The following RBFOX1 variants were observed in gnomAD, a reference collection of about 807,000 sequenced individuals.
The protein encoded by RBFOX1 is RNA binding protein fox-1 homolog 1.
Under a neutral mutation model 57.7 loss-of-function variants are expected in RBFOX1, and 8 were observed. The ratio of observed to expected loss-of-function variants is 0.14; its 90% confidence interval spans 0.08 to 0.25. The LOEUF (loss-of-function observed/expected upper bound fraction) is 0.25, where lower values mean the gene tolerates loss of function less well. RBFOX1 is among the 10% of genes least tolerant of loss of function. RBFOX1 has a pLI of 1.00. For missense variants in RBFOX1, 611 were observed against 548.5 expected (o/e 1.11, Z -1.14); for synonymous variants, 326 against 222.4 (o/e 1.47, Z -4.15).
intron 4 of RBFOX1, among the ~76,000 whole-genome samples, chr16:7,287,185 A>C (rs1365608383): frequency 6.6e-6 from 1 of 152,186 alleles, no homozygotes; most frequent in Non-Finnish European, 1.5e-5. Flanking sequence ...TTGCCTGAGG[A>C]AAGTGCAGGT....
At chr16:7,486,013 C>T (rs1245009102) in intron 4 of RBFOX1, among the ~76,000 whole-genome samples, 1 of 151,922 alleles carries the variant, frequency 6.6e-6, no homozygotes, top group Non-Finnish European at 1.5e-5. Context: ...TGTTTCCTGT[C>T]TGGCTCTTTA....
chr16:7,478,036 A>C (rs1365018760), intron 4 of RBFOX1, among the ~76,000 whole-genome samples: 2 of 152,230 alleles, frequency 1.3e-5, no homozygotes. Flanking sequence ...CCATGGAGAA[A>C]ATTAACTCCA....
At chr16:5,747,637 T>C (rs1217858220) in intron 3 of RBFOX1, among the ~76,000 whole-genome samples, 1 of 151,788 alleles carries the variant, frequency 6.6e-6, no homozygotes, top group Non-Finnish European at 1.5e-5. Context: ...GAATTTTCCA[T>C]TTCTTCTAGA....
At chr16:6,583,519 T>C (rs149747295) in intron 2 of RBFOX1, among the ~76,000 whole-genome samples, 1 of 152,254 alleles carries the variant, frequency 6.6e-6, no homozygotes, top group Non-Finnish European at 1.5e-5. Flanking sequence ...TTAGCTTCCA[T>C]TTTACATTTT....
chr16:7,699,213 G>A (rs28437694), intron 14 of RBFOX1, among the ~76,000 whole-genome samples: 102,341 of 151,940 alleles, frequency 0.67, 34,592 homozygotes, highest in South Asian at 0.72. Flanking sequence ...TTTGAGATAG[G>A]GTCTCTGTCA....
chr16:7,048,262 G>A (rs1265517147), intron 3 of RBFOX1, among the ~76,000 whole-genome samples: 1 of 150,800 alleles, frequency 6.6e-6, no homozygotes, highest in Non-Finnish European at 1.5e-5. Flanking sequence ...GTTTTGTTTT[G>A]TTTGTTTGTT....
chr16:6,975,047 A>G (rs370006383), intron 3 of RBFOX1, among the ~76,000 whole-genome samples: 8 of 152,056 alleles, frequency 5.3e-5, no homozygotes, highest in African/African-American at 1.4e-4. Context: ...TTTTGATCCA[A>G]TTGTTTAAAA....
At chr16:7,008,494 C>G (rs1011715806) in intron 3 of RBFOX1, among the ~76,000 whole-genome samples, 1 of 151,994 alleles carries the variant, frequency 6.6e-6, no homozygotes, top group African/African-American at 2.4e-5. Context: ...GATCTGAGAT[C>G]ATACCACTGC....
intron 3 of RBFOX1, among the ~76,000 whole-genome samples, chr16:5,713,827 G>A (rs2051583615): frequency 1.3e-5 from 2 of 152,180 alleles, no homozygotes; most frequent in African/African-American, 4.8e-5. Context: ...GCTTGACCAT[G>A]TAGACAGTGA....
At chr16:6,371,536 G>C (rs2090432476) in intron 2 of RBFOX1, among the ~76,000 whole-genome samples, 1 of 151,878 alleles carries the variant, frequency 6.6e-6, no homozygotes. Context: ...AAACCCGTAA[G>C]TTTTTTTTAA....
At chr16:7,598,472 T>C (rs779293108) in intron 9 of RBFOX1, among the ~76,000 whole-genome samples, 6 of 152,120 alleles carry the variant, frequency 3.9e-5, no homozygotes, top group Non-Finnish European at 7.4e-5. Flanking sequence ...AAATTTTAAT[T>C]GCACATGGAG....
intron 1 of RBFOX1, among the ~76,000 whole-genome samples, chr16:6,179,059 C>A (rs563535526): frequency 6.6e-6 from 1 of 152,278 alleles, no homozygotes; most frequent in South Asian, 2.1e-4. Context: ...GGTGAGACAT[C>A]TTGATAAGGT....
intron 10 of RBFOX1, among the ~76,000 whole-genome samples, chr16:7,608,459 A>C (rs1041700843): frequency 3.3e-5 from 5 of 152,224 alleles, no homozygotes; most frequent in African/African-American, 1.2e-4. Flanking sequence ...TTTTACCGGG[A>C]GCCTGGGTTA....
chr16:6,492,762 T>TA (rs2095662769), intron 2 of RBFOX1, among the ~76,000 whole-genome samples: 1 of 152,114 alleles, frequency 6.6e-6, no homozygotes. Context: ...AGGACCCTTG[T>TA]AGGAATGAAG....
At chr16:7,120,842 C>CACACACACACACAT (rs1567337060) in intron 4 of RBFOX1, among the ~76,000 whole-genome samples, 11 of 149,728 alleles carry the variant, frequency 7.3e-5, no homozygotes, top group South Asian at 2.1e-4. Flanking sequence ...CACACACACA[C>CACACACACACACAT]ACACACACAC....
intron 3 of RBFOX1, among the ~76,000 whole-genome samples, chr16:5,780,879 T>A (rs2054303062): frequency 6.6e-6 from 1 of 152,232 alleles, no homozygotes; most frequent in Non-Finnish European, 1.5e-5. Flanking sequence ...CTGCACAGTC[T>A]ACCATGCTAG....
chr16:5,928,727 A>G (rs998665666), intron 4 of RBFOX1, among the ~76,000 whole-genome samples: 45 of 151,754 alleles, frequency 3.0e-4, no homozygotes, highest in African/African-American at 1.1e-3. Context: ...AAAATTCCTG[A>G]AATGCGTTCT....
chr16:5,273,297 A>AG (rs1280830650), intron 1 of RBFOX1, among the ~76,000 whole-genome samples: 1 of 152,044 alleles, frequency 6.6e-6, no homozygotes, highest in African/African-American at 2.4e-5. Context: ...TTCAACCTCA[A>AG]GAGTCCCATT....
intron 3 of RBFOX1, among the ~76,000 whole-genome samples, chr16:5,690,847 T>C (rs572279486): frequency 6.6e-6 from 1 of 152,282 alleles, no homozygotes; most frequent in South Asian, 2.1e-4. Context: ...TCCATTGTTT[T>C]TACATGCCCA....
Sources: allele counts gnomAD v4.1 joint callset (sites outside exome capture counted in the v4.1 genomes callset), GRCh38; gene constraint gnomAD v4.1.1; transcripts MANE v1.5; gene names NCBI Gene and HGNC (gene_info 2026-07-23, HGNC 2026-07-21).